ADAM12: variants seen among roughly 807,000 people sequenced by gnomAD.
The protein encoded by ADAM12 is disintegrin and metalloproteinase domain-containing protein 12.
A neutral mutation model predicts 106.4 loss-of-function variants in ADAM12; 70 were observed. The observed-to-expected ratio is 0.66, with a 90% confidence interval of 0.54 to 0.80. The LOEUF (loss-of-function observed/expected upper bound fraction) is 0.80, where lower values mean the gene tolerates loss of function less well. Ranked by LOEUF, ADAM12 falls within the 30% of genes least tolerant of loss-of-function variation. ADAM12 has a pLI of 0.00. For missense variants in ADAM12, 1,010 were observed against 1,171.9 expected (o/e 0.86, Z 2.02); for synonymous variants, 420 against 433.5 (o/e 0.97, Z 0.39).
intron 1 of ADAM12, among the ~76,000 whole-genome samples, chr10:126,358,540 T>C (rs1170929971): frequency 1.3e-5 from 2 of 152,182 alleles, no homozygotes; most frequent in Non-Finnish European, 2.9e-5. Flanking sequence ...AACATCATAC[T>C]CAATGGTAAA....
At chr10:126,119,639 G>C (rs183208610) in intron 5 of ADAM12, among the ~76,000 whole-genome samples, 159 of 152,308 alleles carry the variant, frequency 1.0e-3, no homozygotes, top group African/African-American at 3.4e-3. Flanking sequence ...CCAGTCTTTA[G>C]GTTTGGGAAA....
chr10:126,102,220 G>T (rs1240433514), intron 8 of ADAM12, among the ~76,000 whole-genome samples: 1 of 152,134 alleles, frequency 6.6e-6, no homozygotes, highest in African/African-American at 2.4e-5. Flanking sequence ...TGTACTCATG[G>T]TTGAGGGGGC....
At chr10:126,197,198 C>G (rs1314995265) in intron 3 of ADAM12, among the ~76,000 whole-genome samples, 1 of 152,144 alleles carries the variant, frequency 6.6e-6, no homozygotes. Flanking sequence ...GATGACGAAG[C>G]AAAGATGAGC....
intron 3 of ADAM12, among the ~76,000 whole-genome samples, chr10:126,222,062 A>G (rs1958104854): frequency 6.6e-6 from 1 of 152,152 alleles, no homozygotes; most frequent in Non-Finnish European, 1.5e-5. Context: ...AGTTTGGCCC[A>G]CTTTGAACTA....
intron 11 of ADAM12, among the ~76,000 whole-genome samples, chr10:126,086,433 T>C (rs1446537409): frequency 6.7e-6 from 1 of 150,318 alleles, no homozygotes; most frequent in Non-Finnish European, 1.5e-5. Context: ...CCCAGCACTT[T>C]AGGAGGCCAA....
At chr10:126,111,492 TATGCAGAAGA>T (rs1955867342) in intron 6 of ADAM12, among the ~76,000 whole-genome samples, 2 of 152,118 alleles carry the variant, frequency 1.3e-5, no homozygotes, top group African/African-American at 4.8e-5. Flanking sequence ...TTTGGCTAAT[TATGCAGAAGA>T]AAATATAGCT....
At chr10:126,368,794 GA>G (rs145218603) in intron 1 of ADAM12, among the ~76,000 whole-genome samples, 27 of 149,688 alleles carry the variant, frequency 1.8e-4, no homozygotes, top group Non-Finnish European at 3.9e-4. Context: ...AAATAAAAAG[GA>G]AAAAAAGTAA....
chr10:126,089,970 A>G (rs1347665606), intron 11 of ADAM12, among the ~76,000 whole-genome samples: 1 of 152,096 alleles, frequency 6.6e-6, no homozygotes, highest in Non-Finnish European at 1.5e-5. Flanking sequence ...TTATTTTAAA[A>G]ATAGAGACAG....
intron 3 of ADAM12, among the ~76,000 whole-genome samples, chr10:126,234,703 T>A (rs1446114343): frequency 2.0e-5 from 3 of 152,188 alleles, no homozygotes. Context: ...CTGTATTTGC[T>A]TCCATCTGTG....
chr10:126,246,598 G>A (rs938505044), intron 3 of ADAM12, among the ~76,000 whole-genome samples: 20 of 152,188 alleles, frequency 1.3e-4, no homozygotes, highest in African/African-American at 4.1e-4. Context: ...AACAATAGAT[G>A]TGATTCATCA....
chr10:126,172,616 G>A (rs1038046359), intron 3 of ADAM12, among the ~76,000 whole-genome samples: 1 of 152,226 alleles, frequency 6.6e-6, no homozygotes, highest in Non-Finnish European at 1.5e-5. Flanking sequence ...ACAGATGCTG[G>A]AGAGGATGTG....
intron 14 of ADAM12, among the ~76,000 whole-genome samples, chr10:126,061,457 C>T (rs1189298226): frequency 2.0e-5 from 3 of 152,232 alleles, no homozygotes; most frequent in African/African-American, 7.2e-5. Context: ...AAAAGGCCCA[C>T]ATCCTTGTCT....
intron 3 of ADAM12, among the ~76,000 whole-genome samples, chr10:126,274,138 G>A (rs1959197266): frequency 6.6e-6 from 1 of 152,172 alleles, no homozygotes. Context: ...GCTCATCGAT[G>A]CCTATGATGA....
intron 10 of ADAM12, among the ~76,000 whole-genome samples, chr10:126,095,464 G>T (rs1040684877): frequency 3.3e-5 from 5 of 149,898 alleles, no homozygotes; most frequent in African/African-American, 1.2e-4. Flanking sequence ...AACCCGGGAG[G>T]CGGAGCTTGC....
At chr10:126,019,570 C>T in intron 22 of ADAM12, 125 bp downstream of exon 22, 1 of 1,258,516 alleles carries the variant, frequency 7.9e-7, no homozygotes, top group Non-Finnish European at 1.1e-6. Context: ...TACGGTATTC[C>T]CAGTTGTAGG....
At position 126,049,151 on chromosome 10, in the gene ADAM12, A is replaced by T; in HGVS notation, c.1917+102T>A. Reference sequence around the variant, plus strand: ...TCTAGGTGCATCTGAGAAGAAGTAGATTTAGGAAAACCAACAAACCTTGTA... The same window carrying T: ...TCTAGGTGCATCTGAGAAGAAGTAGTTTTAGGAAAACCAACAAACCTTGTA... On this transcript the variant is annotated intron_variant, in intron 16 of 22. Transcript: ENST00000448723. The surrounding 1 kb of genome is among the most constrained non-coding windows in gnomAD (Gnocchi z 4.4). 1 of 1,464,544 alleles carries T rather than the reference A, an allele frequency of 6.8e-7. No homozygotes were observed. The highest frequency in any genetic ancestry group is 1.2e-5 in the South Asian group (1 of 84,898). The allele number at this position is 1,464,544 out of a possible 1,614,324, so 90.7% of individuals were successfully genotyped here.
intron 3 of ADAM12, among the ~76,000 whole-genome samples, chr10:126,222,266 TA>T (rs962520731): frequency 4.6e-5 from 7 of 150,972 alleles, no homozygotes; most frequent in East Asian, 1.9e-4. Context: ...TTTATTTCTA[TA>T]AAAAAAAAGC....
chr10:126,131,659 G>A (rs1367808462), intron 5 of ADAM12, among the ~76,000 whole-genome samples: 2 of 152,152 alleles, frequency 1.3e-5, no homozygotes, highest in African/African-American at 4.8e-5. Flanking sequence ...GCTAATGACT[G>A]CCTGGAAGCC....
intron 1 of ADAM12, among the ~76,000 whole-genome samples, chr10:126,385,986 A>AT (rs933212279): frequency 3.3e-5 from 5 of 152,200 alleles, no homozygotes; most frequent in Admixed American, 1.3e-4. Flanking sequence ...TGCAGAAGAG[A>AT]TTTTTCCTAT....
Sources: allele counts gnomAD v4.1 joint callset (sites outside exome capture counted in the v4.1 genomes callset), GRCh38; gene constraint gnomAD v4.1.1; non-coding constraint Gnocchi (gnomAD v3.1); transcripts MANE v1.5; gene names NCBI Gene and HGNC (gene_info 2026-07-23, HGNC 2026-07-21).